Variants in PHF14 observed in about 807,000 individuals in gnomAD.
PHF14 encodes PHD finger protein 14.
PHF14 carries 55 observed loss-of-function variants against 117.9 expected under a neutral mutation model. The ratio of observed to expected loss-of-function variants is 0.47; its 90% confidence interval spans 0.38 to 0.58. The LOEUF (loss-of-function observed/expected upper bound fraction) is 0.58. Among genes scored for constraint, PHF14 ranks in the 20% least tolerant of loss-of-function variants. PHF14 has a pLI of 0.00. For synonymous variants in PHF14, 409 were observed against 368.6 expected (o/e 1.11, Z -1.26); for missense variants, 978 against 1,122.2 (o/e 0.87, Z 1.84).
chr7:11,135,073 A>G (rs913449622), intron 17 of PHF14, among the ~76,000 whole-genome samples: 13 of 152,100 alleles, frequency 8.5e-5, no homozygotes, highest in Non-Finnish European at 4.4e-5. Context: ...ATGTTTCCTG[A>G]GAAGTTAGTT....
chr7:10,984,994 C>T (rs908338817), intron 3 of PHF14, among the ~76,000 whole-genome samples: 5 of 152,070 alleles, frequency 3.3e-5, no homozygotes, highest in Non-Finnish European at 7.4e-5. Flanking sequence ...GAATAATTCT[C>T]CTTAAAAGCT....
chr7:11,055,799 C>T (rs1006178908), intron 14 of PHF14, among the ~76,000 whole-genome samples: 1 of 151,824 alleles, frequency 6.6e-6, no homozygotes, highest in African/African-American at 2.4e-5. Flanking sequence ...AAGCTTAAGT[C>T]TTGAGAATCT....
chr7:11,156,679 C>T lies in PHF14; in HGVS notation c.2773-12737C>T, dbSNP rs184659416. On this transcript the variant is annotated intron_variant, in intron 17 of 17. Coordinates refer to ENST00000634607, the MANE Select transcript of PHF14 (RefSeq NM_001007157.2). ...GTGTAGTGGCAGGCGCCTGTAATCC[C>T]AGCTACTCGGGAAGCTGAGGCAGGA... 7.2e-3 allele frequency among the ~76,000 whole-genome samples: 1,100 copies of T among 152,176 alleles called. 15 individuals carry two copies. Among genetic ancestry groups the T allele is most frequent in the African/African-American group, 0.026 (1,059 of 41,522 alleles).
rs994698345 is a variant in PHF14 at position 11,058,359 on chromosome 7, T to C, written c.2482-3432T>C. 2.3e-4 allele frequency among the ~76,000 whole-genome samples: 35 copies of C among 152,194 alleles called. 1 individual carries two copies. Among genetic ancestry groups the C allele is most frequent in the Admixed American group, 2.1e-3 (32 of 15,280 alleles). On this transcript the variant is annotated intron_variant, in intron 14 of 17. Coordinates refer to ENST00000634607, the MANE Select transcript of PHF14 (RefSeq NM_001007157.2). ...TGTCTGTTGTGATCTTAAGCAGTTA[T>C]GAATTTTCGTAGTTATAGTTGCTGC...
chr7:11,166,823 C>T (rs1327196737), intron 17 of PHF14, among the ~76,000 whole-genome samples: 3 of 152,092 alleles, frequency 2.0e-5, no homozygotes, highest in African/African-American at 7.2e-5. Flanking sequence ...AAGACAAATC[C>T]TCAGCACAAA....
chr7:10,996,103 G>A (rs1253540701), intron 4 of PHF14, among the ~76,000 whole-genome samples: 1 of 152,206 alleles, frequency 6.6e-6, no homozygotes, highest in Non-Finnish European at 1.5e-5. Context: ...TGATGGATGT[G>A]GGAAGCCATA....
chr7:11,035,673 C>T lies in PHF14; in HGVS notation c.1489C>T (p.Gln497Ter). The T allele has an allele frequency of 1.2e-6, 2 of 1,609,742 alleles. No individual in the cohort carries two copies. Among genetic ancestry groups the T allele is most frequent in the Non-Finnish European group, 1.7e-6 (2 of 1,176,656 alleles). Residue 497 changes from glutamine (Q) to a stop codon, truncating the protein, a stop_gained, in exon 8 of 18, where the codon CAA becomes TAA. Coordinates refer to ENST00000634607, the MANE Select transcript of PHF14 (RefSeq NM_001007157.2). LOFTEE classifies it high-confidence loss of function. ...AGATCCATTCTTTGCTTATTGTAAG[C>T]AACATGCAGATAGGTTAGACAGAAA... Reference protein sequence around the residue: ...IADPFFAYCKQHADRLDRKWK... With the variant: ...IADPFFAYCK
intron 4 of PHF14, among the ~76,000 whole-genome samples, chr7:10,996,748 G>A (rs532731385): frequency 1.3e-5 from 2 of 152,318 alleles, no homozygotes; most frequent in South Asian, 4.1e-4. Context: ...AATAAATCCT[G>A]GGGTACATAG....
intron 13 of PHF14, among the ~76,000 whole-genome samples, chr7:11,046,885 G>C (rs1211175863): frequency 6.6e-6 from 1 of 151,984 alleles, no homozygotes; most frequent in African/African-American, 2.4e-5. Flanking sequence ...AAACTCTGGT[G>C]TGGGATCCTG....
chr7:11,089,129 C>T (rs751290414), intron 16 of PHF14, among the ~76,000 whole-genome samples: 54 of 151,540 alleles, frequency 3.6e-4, no homozygotes, highest in East Asian at 5.8e-4. Context: ...ATCAGTTAAC[C>T]GCAGCAAATA....
chr7:10,992,781 G>A (rs1372577052), intron 4 of PHF14, among the ~76,000 whole-genome samples: 1 of 152,196 alleles, frequency 6.6e-6, no homozygotes, highest in Admixed American at 6.5e-5. Flanking sequence ...GTATTCAGAT[G>A]TTGCCAATTG....
chr7:11,052,819 A>C (rs955043314), intron 14 of PHF14, among the ~76,000 whole-genome samples: 2 of 152,054 alleles, frequency 1.3e-5, no homozygotes, highest in African/African-American at 4.8e-5. Flanking sequence ...CCTTTTTCTC[A>C]TTGCAAATTC....
chr7:11,026,108 T>TTAAA (rs1562426593), intron 6 of PHF14, among the ~76,000 whole-genome samples: 1 of 126,066 alleles, frequency 7.9e-6, no homozygotes. Context: ...TGAGACTCCA[T>TTAAA]CAAAAAAAAA....
intron 13 of PHF14, among the ~76,000 whole-genome samples, chr7:11,045,475 G>C (rs763819023): frequency 2.0e-5 from 3 of 152,164 alleles, no homozygotes; most frequent in Non-Finnish European, 4.4e-5. Context: ...TAAATACCCT[G>C]TAAGCAAACT....
chr7:11,168,449 T>C (rs544347613), intron 17 of PHF14, among the ~76,000 whole-genome samples: 1 of 152,296 alleles, frequency 6.6e-6, no homozygotes, highest in African/African-American at 2.4e-5. Context: ...CTTTATAAAG[T>C]CAATTCACAA....
At chr7:11,081,929 C>A (rs898754757) in intron 16 of PHF14, among the ~76,000 whole-genome samples, 2 of 151,638 alleles carry the variant, frequency 1.3e-5, no homozygotes, top group African/African-American at 4.8e-5. Context: ...TTTTCTCTAT[C>A]TTCATAGGTT....
intron 16 of PHF14, among the ~76,000 whole-genome samples, chr7:11,100,527 A>G (rs1298379721): frequency 1.3e-5 from 2 of 152,116 alleles, no homozygotes; most frequent in East Asian, 3.9e-4. Context: ...TAAGTTATGT[A>G]TTAGAATATA....
At chr7:11,059,239 G>C (rs1785123840) in intron 14 of PHF14, among the ~76,000 whole-genome samples, 1 of 151,974 alleles carries the variant, frequency 6.6e-6, no homozygotes, top group African/African-American at 2.4e-5. Flanking sequence ...TTATCAAAAT[G>C]GTAAATAAAC....
chr7:11,063,065 T>A (rs1266979588), intron 16 of PHF14: 2 of 859,744 alleles, frequency 2.3e-6, no homozygotes, highest in Non-Finnish European at 2.8e-6. Flanking sequence ...ATTTTGGTCA[T>A]TAAAATATGT....
Sources: allele counts gnomAD v4.1 joint callset (sites outside exome capture counted in the v4.1 genomes callset), GRCh38; gene constraint gnomAD v4.1.1; transcripts MANE v1.5; gene names NCBI Gene and HGNC (gene_info 2026-07-23, HGNC 2026-07-21).